Variants in KLHL29 observed in about 807,000 individuals in gnomAD.
KLHL29 encodes kelch-like protein 29.
Under a neutral mutation model 80.4 loss-of-function variants are expected in KLHL29, and 21 were observed. The observed-to-expected ratio is 0.26, with a 90% CI of 0.19 to 0.38. KLHL29 has a LOEUF of 0.38. KLHL29 is among the 10% of genes least tolerant of loss of function. KLHL29 has a pLI of 1.00. For synonymous variants in KLHL29, 511 were observed against 526.8 expected (o/e 0.97, Z 0.41); for missense variants, 867 against 1,223.9 (o/e 0.71, Z 4.35).
At chr2:23,691,577 G>A in intron 6 of KLHL29, 97 bp from the exon 7 acceptor site, 1 of 1,014,094 alleles carries the variant, frequency 9.9e-7, no homozygotes, top group Non-Finnish European at 1.5e-6. Context: ...CTAAAACCAA[G>A]GGCATGACCA....
intron 13 of KLHL29, among the ~76,000 whole-genome samples, chr2:23,704,129 A>G (rs915842036): frequency 6.6e-6 from 1 of 152,192 alleles, no homozygotes; most frequent in Non-Finnish European, 1.5e-5. Context: ...CATCAAGGCT[A>G]CCCTGCTCTC....
rs1558373623 is a variant in KLHL29 at position 23,526,292 on chromosome 2, A to AGG, written c.-45-35857_-45-35856dup. ...GCGGTCGGAGGAAGCGTCACAGGGG[A>AGG]GGGGAAACCAGAGCTGTGGTCAGGG... On this transcript the variant is annotated intron_variant, in intron 2 of 13. Transcript: ENST00000486442. Among the ~76,000 whole-genome samples the AGG allele has an allele frequency of 7.3e-5, 11 of 150,898 alleles. No homozygotes were observed. The East Asian group carries it at 1.6e-3, about 22-fold the overall frequency.
At chr2:23,396,269 G>A (rs936312486) in intron 1 of KLHL29, among the ~76,000 whole-genome samples, 2 of 152,160 alleles carry the variant, frequency 1.3e-5, no homozygotes, top group African/African-American at 4.8e-5. Flanking sequence ...CTCCCCAGTC[G>A]GTCTCCCTGA....
At chr2:23,621,075 G>A (rs949485003) in intron 3 of KLHL29, among the ~76,000 whole-genome samples, 3 of 152,254 alleles carry the variant, frequency 2.0e-5, no homozygotes, top group Admixed American at 6.5e-5. Context: ...CTTGGCCGGG[G>A]GACTGCAGTG....
At chr2:23,410,235 GGAA>G (rs1482107597) in intron 1 of KLHL29, among the ~76,000 whole-genome samples, 1 of 152,172 alleles carries the variant, frequency 6.6e-6, no homozygotes, top group East Asian at 1.9e-4. Context: ...GAAACACTAA[GGAA>G]GAAGAAATGG....
At chr2:23,538,539 G>A (rs770769113) in intron 2 of KLHL29, among the ~76,000 whole-genome samples, 4 of 152,338 alleles carry the variant, frequency 2.6e-5, no homozygotes, top group South Asian at 4.1e-4. Flanking sequence ...AGCTAAAATC[G>A]TGACTGAAAC....
At chr2:23,390,361 G>A (rs1049137538) in intron 1 of KLHL29, among the ~76,000 whole-genome samples, 5 of 152,158 alleles carry the variant, frequency 3.3e-5, no homozygotes, top group Non-Finnish European at 4.4e-5. Context: ...CAAGAACGGC[G>A]AGCATGGTTG....
intron 1 of KLHL29, among the ~76,000 whole-genome samples, chr2:23,449,157 T>C (rs1010657109): frequency 6.6e-6 from 1 of 152,178 alleles, no homozygotes; most frequent in African/African-American, 2.4e-5. Flanking sequence ...TGGGGCTGGC[T>C]GGACTCCATG....
At chr2:23,687,661 CAG>C (rs1484660440) in intron 6 of KLHL29, among the ~76,000 whole-genome samples, 2 of 152,168 alleles carry the variant, frequency 1.3e-5, no homozygotes, top group Non-Finnish European at 2.9e-5. Flanking sequence ...GAGGGTCATT[CAG>C]AGAGGCTCCT....
intron 1 of KLHL29, among the ~76,000 whole-genome samples, chr2:23,408,833 T>C (rs1162948051): frequency 6.6e-6 from 1 of 152,188 alleles, no homozygotes; most frequent in African/African-American, 2.4e-5. Flanking sequence ...TTTGTGACTC[T>C]AATCCCGAGT....
chr2:23,393,672 A>G (rs1185351916), intron 1 of KLHL29, among the ~76,000 whole-genome samples: 2 of 152,312 alleles, frequency 1.3e-5, no homozygotes, highest in East Asian at 3.9e-4. Flanking sequence ...ATGGGTGTGA[A>G]TAGAGCCTGG....
rs375068550 is a variant in KLHL29 at position 23,691,803 on chromosome 2, C to G, written c.1209C>G (p.Asn403Lys). The part of the protein sequence containing the change: ...YTGSLVIDSA[N>K]AKTLLEAASK... ...GCTCCCTGGTCATCGACTCGGCCAA[C>G]GCCAAGACACTGCTGGAGGCGGCCA... The change falls in exon 7 of 14, where the codon AAC (asparagine) becomes AAG (lysine). Residue 403 changes from asparagine (N) to lysine (K), a missense_variant. By Grantham distance (94) the Asn-to-Lys change is moderately conservative. Around this residue, in one of 2 missense-constraint regions of KLHL29, gnomAD observed 443 missense variants for 767.0 expected, o/e 0.58. Transcript: ENST00000486442. 6.4e-7 allele frequency: 1 copy of G among 1,551,534 alleles called. No individual in the cohort carries two copies. The highest frequency in any genetic ancestry group is 1.4e-5 in the African/African-American group (1 of 73,046).
chr2:23,431,443 C>T (rs990351394), intron 1 of KLHL29, among the ~76,000 whole-genome samples: 5 of 152,232 alleles, frequency 3.3e-5, no homozygotes, highest in African/African-American at 1.2e-4. Context: ...TTATTCCCAG[C>T]AGCCCCACCT....
intron 2 of KLHL29, among the ~76,000 whole-genome samples, chr2:23,536,918 A>ACACACACACACACACACACTCTCT (rs143009876): frequency 3.8e-4 from 54 of 140,732 alleles, no homozygotes; most frequent in African/African-American, 1.1e-3. Context: ...ACACACACAC[A>ACACACACACACACACACACTCTCT]CTCTCTCTCT....
chr2:23,630,986 T>C (rs1272165999), intron 3 of KLHL29, among the ~76,000 whole-genome samples: 7 of 152,200 alleles, frequency 4.6e-5, no homozygotes, highest in Non-Finnish European at 8.8e-5. Context: ...CTCACAGTGA[T>C]CCAGTGAGAA....
Position 23,602,336 on chromosome 2 carries a change from C to T in KLHL29, c.286-36803C>T, listed in dbSNP as rs900198068. Among the ~76,000 whole-genome samples, 28 of 152,182 alleles carry T rather than the reference C, an allele frequency of 1.8e-4. 1 individual carries two copies. The highest frequency in any genetic ancestry group is 1.4e-4 in the African/African-American group (6 of 41,438). On this transcript the variant is annotated intron_variant, in intron 3 of 13. Transcript: ENST00000486442. Reference sequence around the variant, plus strand: ...CGTATTGTGTTACCCTTTCTCCTTGCGCTTTTCTTGGTAACAGCACTGGCT... The same window carrying T: ...CGTATTGTGTTACCCTTTCTCCTTGTGCTTTTCTTGGTAACAGCACTGGCT...
chr2:23,551,024 C>A (rs998158622), intron 2 of KLHL29, among the ~76,000 whole-genome samples: 2 of 152,222 alleles, frequency 1.3e-5, no homozygotes, highest in Non-Finnish European at 2.9e-5. Context: ...TCAGTGTTTG[C>A]GTCCTTGTGG....
Position 23,639,140 on chromosome 2 carries a change from C to T in KLHL29, c.287C>T (p.Ala96Val), listed in dbSNP as rs1340016001. ...CACCTCCTCATCTGCTTCCCACAGGCTCCCGGCATCTCCAAAGGGGACAGT... is the reference window on the plus strand; with the variant it reads ...CACCTCCTCATCTGCTTCCCACAGGTTCCCGGCATCTCCAAAGGGGACAGT... ...ASSASAVTTK[A>V]PGISKGDSQS... The change falls in exon 4 of 14, where the codon GCT (alanine) becomes GTT (valine). Residue 96 changes from alanine to valine, a missense_variant and splice_region_variant. By Grantham distance (64) the Ala-to-Val change is moderately conservative. This residue lies in a region of KLHL29 where 424 missense variants were observed against 456.9 expected (regional missense o/e 0.93). Transcript: ENST00000486442. 6.5e-7 allele frequency: 1 copy of T among 1,530,878 alleles called. No homozygotes were observed. Among genetic ancestry groups the T allele is most frequent in the South Asian group, 1.2e-5 (1 of 80,508 alleles). The allele number at this position is 1,530,878 out of a possible 1,614,324, so 94.8% of individuals were successfully genotyped here.
chr2:23,645,451 C>G (rs1669897018), intron 5 of KLHL29, among the ~76,000 whole-genome samples: 1 of 152,000 alleles, frequency 6.6e-6, no homozygotes, highest in Non-Finnish European at 1.5e-5. Context: ...AGTCAGAACT[C>G]CACTTTAGAA....
Sources: gnomAD v4.1 joint callset for allele counts (sites outside exome capture counted in the v4.1 genomes callset) on GRCh38, gnomAD v4.1.1 for gene constraint, gnomAD v4.1.1 regional missense constraint, MANE v1.5 for transcripts, NCBI Gene and HGNC (gene_info 2026-07-23, HGNC 2026-07-21) for gene names.